ARIH1: variants seen among roughly 807,000 people sequenced by gnomAD.
ARIH1 encodes the protein E3 ubiquitin-protein ligase ARIH1.
In ARIH1, 8 loss-of-function variants were observed where a neutral mutation model predicts 85.0. That is an observed-to-expected ratio of 0.09 (90% CI 0.06 to 0.17). The LOEUF (loss-of-function observed/expected upper bound fraction) is 0.17. Among genes scored for constraint, ARIH1 ranks in the 10% least tolerant of loss-of-function variants. ARIH1 has a pLI of 1.00. For missense variants in ARIH1, 311 were observed against 718.1 expected (o/e 0.43, Z 6.48); for synonymous variants, 238 against 253.6 (o/e 0.94, Z 0.59).
At chr15:72,506,366 G>GAAAAAAAAAA (rs1227942202) in intron 1 of ARIH1, among the ~76,000 whole-genome samples, 3 of 54,494 alleles carry the variant, frequency 5.5e-5, no homozygotes, top group Non-Finnish European at 8.9e-5. Flanking sequence ...AAAAAAAAAA[G>GAAAAAAAAAA]AAAAAAAAAA....
intron 1 of ARIH1, among the ~76,000 whole-genome samples, chr15:72,484,649 GTA>G (rs973862130): frequency 7.3e-5 from 11 of 150,256 alleles, no homozygotes; most frequent in Admixed American, 1.3e-4. Context: ...ATATATATGT[GTA>G]TATATATATG....
chr15:72,564,829 C>T (rs7497653), intron 7 of ARIH1, among the ~76,000 whole-genome samples: 2,569 of 152,112 alleles, frequency 0.017, 65 homozygotes, highest in African/African-American at 0.059. Context: ...GTGGAAAGGA[C>T]AAGGCAGCTC....
At chr15:72,476,418 G>A (rs562070357) in intron 1 of ARIH1, among the ~76,000 whole-genome samples, 2 of 152,312 alleles carry the variant, frequency 1.3e-5, no homozygotes, top group African/African-American at 4.8e-5. Context: ...AGGCTGGAGT[G>A]CAATGGCGCA....
chr15:72,491,663 A>G (rs1348436004), intron 1 of ARIH1, among the ~76,000 whole-genome samples: 1 of 152,186 alleles, frequency 6.6e-6, no homozygotes. Flanking sequence ...AATTCACTGA[A>G]TTAACCCTTC....
In ARIH1 at chr15:72,542,114, T is replaced by A. The variant is rs937408752; in HGVS notation, c.444-2706T>A. On this transcript the variant is annotated intron_variant, in intron 2 of 13. Coordinates refer to ENST00000379887, the MANE Select transcript of ARIH1 (RefSeq NM_005744.5). ...ATGGAATCCTGGCTTTACTCCTTAT[T>A]ACGCAAAAATAAATCAACAGTTTTA... is the stretch of plus-strand genomic sequence containing the variant. Among the ~76,000 whole-genome samples, 5 of 152,202 alleles carry A rather than the reference T, an allele frequency of 3.3e-5. No homozygotes were observed. In the East Asian group the frequency reaches 7.7e-4, roughly 23 times the overall value.
At chr15:72,500,735 C>T (rs1355882097) in intron 1 of ARIH1, among the ~76,000 whole-genome samples, 2 of 152,062 alleles carry the variant, frequency 1.3e-5, no homozygotes, top group Non-Finnish European at 2.9e-5. Flanking sequence ...ATAATAACTC[C>T]TTGAGCATAA....
rs958931255 is a variant in ARIH1, at chr15:72,474,521, G to C, written c.-119G>C. 3 of 1,295,328 alleles carry C rather than the reference G, an allele frequency of 2.3e-6. No homozygotes were observed. Among genetic ancestry groups the C allele is most frequent in the Admixed American group, 3.4e-5 (1 of 29,678 alleles). 80.2% of individuals were successfully genotyped at this position (1,295,328 alleles called of 1,614,324 possible). ...TCCTGGGGAGGAGCCGCGGCTCGCG[G>C]GGCCGGAGCCAGGCCTGCGTCCGGA... is the stretch of plus-strand genomic sequence containing the variant. On this transcript the variant is annotated 5_prime_UTR_variant, in exon 1 of 14. Coordinates refer to ENST00000379887, the MANE Select transcript of ARIH1 (RefSeq NM_005744.5).
chr15:72,476,651 C>T (rs540031329), intron 1 of ARIH1, among the ~76,000 whole-genome samples: 7 of 152,254 alleles, frequency 4.6e-5, no homozygotes, highest in African/African-American at 1.2e-4. Context: ...CGTCAGCCAC[C>T]GTGCCCGGCC....
At chr15:72,576,041 T>A (rs113616494) in intron 11 of ARIH1, among the ~76,000 whole-genome samples, 2 of 152,246 alleles carry the variant, frequency 1.3e-5, no homozygotes, top group East Asian at 3.9e-4. Context: ...TTGAAGTGTT[T>A]CGTTGTATAA....
At chr15:72,580,689 A>T in intron 11 of ARIH1, 42 bp from the exon 12 acceptor site, 1 of 1,560,434 alleles carries the variant, frequency 6.4e-7, no homozygotes. Context: ...TGTACAGTTT[A>T]TGTGTTATAA....
At chr15:72,497,315 A>G (rs917816476) in intron 1 of ARIH1, among the ~76,000 whole-genome samples, 1 of 152,188 alleles carries the variant, frequency 6.6e-6, no homozygotes, top group Non-Finnish European at 1.5e-5. Context: ...ATTTTGATGA[A>G]AATAATCTAA....
At chr15:72,533,169 C>T (rs1029588000) in intron 2 of ARIH1, among the ~76,000 whole-genome samples, 5 of 152,154 alleles carry the variant, frequency 3.3e-5, no homozygotes, top group African/African-American at 1.2e-4. Context: ...TGCTCTGTCT[C>T]CCAGGCTGGG....
intron 2 of ARIH1, among the ~76,000 whole-genome samples, chr15:72,530,674 A>T (rs1380793514): frequency 6.6e-6 from 1 of 152,242 alleles, no homozygotes; most frequent in African/African-American, 2.4e-5. Context: ...GACCAAAATG[A>T]GTATGCTATC....
intron 6 of ARIH1, 101 bp downstream of exon 6, chr15:72,561,650 C>T (rs1011783849): frequency 7.7e-5 from 58 of 751,812 alleles, no homozygotes; most frequent in Non-Finnish European, 1.1e-4. Context: ...ACATCTTTAA[C>T]ATATTTATGA....
rs200994351 is a variant in ARIH1 at position 72,492,637 on chromosome 15, AC to A, written c.375+17624del. 4.3e-3 allele frequency among the ~76,000 whole-genome samples: 654 copies of A among 152,324 alleles called. 24 individuals carry two copies. Among genetic ancestry groups the A allele is most frequent in the Admixed American group, 0.038 (581 of 15,296 alleles). Reference sequence around the variant, plus strand: ...ACATAATTTTAGTCACTGATTTGTTACAGAATTTTTAAATGTAGTAATTACA... The same window carrying A: ...ACATAATTTTAGTCACTGATTTGTTAAGAATTTTTAAATGTAGTAATTACA... On this transcript the variant is annotated intron_variant, in intron 1 of 13. Coordinates refer to ENST00000379887, the MANE Select transcript of ARIH1 (RefSeq NM_005744.5).
At chr15:72,542,304 TAAAG>T (rs1424495180) in intron 2 of ARIH1, among the ~76,000 whole-genome samples, 1 of 152,150 alleles carries the variant, frequency 6.6e-6, no homozygotes, top group Non-Finnish European at 1.5e-5. Flanking sequence ...TAAACACTAT[TAAAG>T]AAGGTTGAAA....
chr15:72,595,519 C>T lies in ARIH1; in HGVS notation c.*12227C>T, dbSNP rs751239922. 2 of 151,734 alleles carry T rather than the reference C, an allele frequency of 1.3e-5. No homozygotes were observed. The highest frequency in any genetic ancestry group is 1.9e-4 in the East Asian group (1 of 5,140). 9.4% of individuals were successfully genotyped at this position (151,734 alleles called of 1,614,324 possible). A position where few individuals can be genotyped will look rare whatever the true frequency, so the allele number is the denominator to read the frequency against. On this transcript the variant is annotated 3_prime_UTR_variant, in exon 14 of 14. Transcript: ENST00000379887. The stretch of plus-strand genomic sequence containing the variant: ...TTGTTTTGAGACAGGGTCTCTGTCA[C>T]GCAGGCTGGAGTGTGGTGGCATGAA...
chr15:72,501,456 A>G (rs911218238), intron 1 of ARIH1, among the ~76,000 whole-genome samples: 141 of 152,282 alleles, frequency 9.3e-4, no homozygotes, highest in African/African-American at 3.1e-3. Context: ...CTTATCAGTA[A>G]GTGTTTTGAG....
chr15:72,498,403 C>G (rs1005390283), intron 1 of ARIH1, among the ~76,000 whole-genome samples: 1 of 152,064 alleles, frequency 6.6e-6, no homozygotes, highest in African/African-American at 2.4e-5. Flanking sequence ...ATCAGTTTTC[C>G]TATTGTTGGA....
Sources: allele counts gnomAD v4.1 joint callset (sites outside exome capture counted in the v4.1 genomes callset), GRCh38; gene constraint gnomAD v4.1.1; transcripts MANE v1.5; gene names NCBI Gene and HGNC (gene_info 2026-07-23, HGNC 2026-07-21).